Variants in CSMD1 observed in about 807,000 individuals in gnomAD.
The protein encoded by CSMD1 is CUB and Sushi multiple domains 1.
In CSMD1, 213 loss-of-function variants were observed where a neutral mutation model predicts 417.5. The observed-to-expected ratio is 0.51, with a 90% CI of 0.46 to 0.57. CSMD1 has a LOEUF of 0.57. CSMD1 is among the 20% of genes least tolerant of loss of function. The pLI, the probability that CSMD1 is intolerant of heterozygous loss-of-function variation, is 0.00. For missense variants in CSMD1, 6,923 were observed against 4,529.7 expected, an observed-to-expected ratio of 1.53 and a Z score of -15.17; for synonymous variants, 2,862 against 1,736.8, an observed-to-expected ratio of 1.65 and a Z score of -16.11.
intron 40 of CSMD1, among the ~76,000 whole-genome samples, chr8:3,149,300 AT>A (rs1188734724): frequency 6.6e-6 from 1 of 152,204 alleles, no homozygotes; most frequent in East Asian, 1.9e-4. Context: ...TACCAATTTT[AT>A]TTTATTCATA....
chr8:3,335,432 C>T (rs1325937062), intron 23 of CSMD1, among the ~76,000 whole-genome samples: 1 of 152,182 alleles, frequency 6.6e-6, no homozygotes, highest in African/African-American at 2.4e-5. Context: ...AATCCCATCA[C>T]TTTGGGAGGC....
At chr8:4,046,511 G>C (rs1798155139) in intron 3 of CSMD1, among the ~76,000 whole-genome samples, 1 of 152,142 alleles carries the variant, frequency 6.6e-6, no homozygotes, top group Admixed American at 6.5e-5. Context: ...TTTTGTGGTT[G>C]CTGTTGCCTT....
At chr8:2,939,591 G>A (rs184062045) in intron 69 of CSMD1, among the ~76,000 whole-genome samples, 119 of 152,212 alleles carry the variant, frequency 7.8e-4, no homozygotes, top group African/African-American at 2.7e-3. Flanking sequence ...GTGCCACGTG[G>A]CAAAACCAGA....
chr8:4,023,252 G>A (rs931116924), intron 4 of CSMD1, among the ~76,000 whole-genome samples: 15 of 152,100 alleles, frequency 9.9e-5, no homozygotes, highest in South Asian at 4.1e-4. Context: ...TCACCGCTGC[G>A]CATAAAAACA....
rs568787539 is a variant in CSMD1, at chr8:4,416,755, T to C, written c.415+3198A>G. On this transcript the variant is annotated intron_variant, in intron 3 of 69. Coordinates refer to ENST00000635120, the MANE Select transcript of CSMD1 (RefSeq NM_033225.6). ...CTAATATGTGTCAGCCTTTGTCTCA[T>C]GTCAATTTTCTGACTTCCTAGATGT... 6.5e-3 allele frequency among the ~76,000 whole-genome samples: 986 copies of C among 152,252 alleles called. 5 individuals carry two copies. Among genetic ancestry groups the C allele is most frequent in the Non-Finnish European group, 0.011 (743 of 67,956 alleles).
chr8:4,035,822 T>G (rs538601917), intron 3 of CSMD1, among the ~76,000 whole-genome samples: 1 of 152,182 alleles, frequency 6.6e-6, no homozygotes, highest in South Asian at 2.1e-4. Context: ...ATACATTTAG[T>G]GTACTCTAAG....
At chr8:3,207,676 T>G (rs1047134862) in intron 30 of CSMD1, among the ~76,000 whole-genome samples, 2 of 152,134 alleles carry the variant, frequency 1.3e-5, no homozygotes, top group Non-Finnish European at 2.9e-5. Flanking sequence ...AGTTGTATTC[T>G]AAAAGTCAAA....
chr8:3,273,060 C>G (rs986479105), intron 26 of CSMD1, among the ~76,000 whole-genome samples: 1 of 152,054 alleles, frequency 6.6e-6, no homozygotes, highest in Non-Finnish European at 1.5e-5. Context: ...ATGATATTGG[C>G]TGTGGGTTTG....
intron 3 of CSMD1, among the ~76,000 whole-genome samples, chr8:4,198,001 C>G (rs1432478388): frequency 1.3e-5 from 2 of 152,206 alleles, no homozygotes; most frequent in Admixed American, 1.3e-4. Flanking sequence ...AACATGCTAT[C>G]TTTCCTTAAG....
At chr8:3,313,528 C>A (rs1033664343) in intron 23 of CSMD1, among the ~76,000 whole-genome samples, 3 of 152,112 alleles carry the variant, frequency 2.0e-5, no homozygotes, top group South Asian at 4.1e-4. Flanking sequence ...TCATCACTGG[C>A]CATCAGAGAA....
intron 3 of CSMD1, among the ~76,000 whole-genome samples, chr8:4,139,394 G>C (rs1803638050): frequency 6.6e-6 from 1 of 152,178 alleles, no homozygotes; most frequent in Non-Finnish European, 1.5e-5. Flanking sequence ...CTGCTTTTAA[G>C]TGAACATTGC....
chr8:4,325,680 A>G (rs1407259964), intron 3 of CSMD1, among the ~76,000 whole-genome samples: 1 of 152,168 alleles, frequency 6.6e-6, no homozygotes, highest in African/African-American at 2.4e-5. Flanking sequence ...CTCTAGGGCC[A>G]GAAAGCGAGA....
intron 1 of CSMD1, among the ~76,000 whole-genome samples, chr8:4,903,915 C>A (rs28726191): frequency 6.6e-6 from 1 of 152,160 alleles, no homozygotes; most frequent in Non-Finnish European, 1.5e-5. Flanking sequence ...ACATTGAAGA[C>A]TATATTTCCT....
chr8:4,263,632 A>G (rs980085586), intron 3 of CSMD1, among the ~76,000 whole-genome samples: 19 of 152,196 alleles, frequency 1.2e-4, no homozygotes, highest in African/African-American at 3.4e-4. Flanking sequence ...ATAGGAAACC[A>G]TATCATCTTA....
At chr8:4,297,168 A>G (rs1797732366) in intron 3 of CSMD1, among the ~76,000 whole-genome samples, 1 of 152,126 alleles carries the variant, frequency 6.6e-6, no homozygotes, top group Non-Finnish European at 1.5e-5. Context: ...ATAGTCATGA[A>G]TATACTTTTA....
intron 2 of CSMD1, among the ~76,000 whole-genome samples, chr8:4,475,559 G>C (rs146576480): frequency 6.6e-6 from 1 of 151,896 alleles, no homozygotes; most frequent in Admixed American, 6.6e-5. Context: ...CAACCTATAC[G>C]TCTTAAATAC....
intron 5 of CSMD1, among the ~76,000 whole-genome samples, chr8:3,968,494 T>G (rs960739767): frequency 7.2e-5 from 11 of 152,114 alleles, no homozygotes; most frequent in African/African-American, 2.7e-4. Flanking sequence ...ATCTTCCGGA[T>G]TCAAAATACT....
intron 2 of CSMD1, among the ~76,000 whole-genome samples, chr8:4,440,960 G>A (rs953910613): frequency 6.7e-6 from 1 of 150,014 alleles, no homozygotes; most frequent in Non-Finnish European, 1.5e-5. Flanking sequence ...TCATGCCACT[G>A]CACTTCAGCC....
At chr8:3,284,032 C>T in intron 26 of CSMD1, 112 bp downstream of exon 26, 20 of 914,766 alleles carry the variant, frequency 2.2e-5, no homozygotes, top group Non-Finnish European at 3.2e-5. Context: ...AAATTAGGCT[C>T]AATAAATTGC....
Sources: gnomAD v4.1 joint callset for allele counts (sites outside exome capture counted in the v4.1 genomes callset) on GRCh38, gnomAD v4.1.1 for gene constraint, MANE v1.5 for transcripts, NCBI Gene and HGNC (gene_info 2026-07-23, HGNC 2026-07-21) for gene names.